The following RASSF3 variants were observed in gnomAD, a reference collection of about 807,000 sequenced individuals.
The protein encoded by RASSF3 is ras association domain-containing protein 3.
Under a neutral mutation model 19.9 loss-of-function variants are expected in RASSF3, and 19 were observed. The ratio of observed to expected loss-of-function variants is 0.96; its 90% confidence interval spans 0.67 to 1.40. The LOEUF (loss-of-function observed/expected upper bound fraction) is 1.40, where lower values mean the gene tolerates loss of function less well. Ranked by LOEUF, RASSF3 falls within the 40% of genes most tolerant of loss-of-function variation. The pLI is 0.00. For missense variants in RASSF3, 306 were observed against 289.8 expected (o/e 1.06, Z -0.41); for synonymous variants, 110 against 104.2 (o/e 1.06, Z -0.34).
At position 64,691,500 on chromosome 12, in the gene RASSF3, A is replaced by T; in HGVS notation, c.488A>T (p.His163Leu). The change falls in exon 4 of 5, where the codon CAT (histidine) becomes CTT (leucine). Residue 163 changes from histidine to leucine, a missense_variant. Transcript: ENST00000542104. ...GCCTGCAAGCTCTCAGACCGGGAAC[A>T]TCCACTCTACCTGCGTTTGGTAGCA... ...VYACKLSDREHPLYLRLVAGP... is the reference protein window; with the variant it reads ...VYACKLSDRELPLYLRLVAGP... 1.2e-6 allele frequency: 2 copies of T among 1,614,040 alleles called. No homozygotes were observed. The highest frequency in any genetic ancestry group is 1.7e-6 in the Non-Finnish European group (2 of 1,179,930).
At chr12:64,649,527 G>A (rs1218171019) in intron 1 of RASSF3, among the ~76,000 whole-genome samples, 1 of 152,116 alleles carries the variant, frequency 6.6e-6, no homozygotes, top group Non-Finnish European at 1.5e-5. Context: ...TTGGCTTCTA[G>A]TGCATATTCT....
At chr12:64,511,580 TTCTG>T (rs1429119527) in intron 1 of RASSF3, among the ~76,000 whole-genome samples, 2 of 152,214 alleles carry the variant, frequency 1.3e-5, no homozygotes, top group African/African-American at 4.8e-5. Flanking sequence ...TGGCCTCCTT[TTCTG>T]TGTAACCTGC....
At chr12:64,541,539 G>A (rs1166645648) in intron 1 of RASSF3, 3 of 398,148 alleles carry the variant, frequency 7.5e-6, no homozygotes, top group Non-Finnish European at 1.3e-5. Context: ...AACAGAGAAC[G>A]ACACAGACCT....
At chr12:64,589,468 A>T (rs1869878293) in intron 2 of RASSF3, among the ~76,000 whole-genome samples, 1 of 152,178 alleles carries the variant, frequency 6.6e-6, no homozygotes, top group African/African-American at 2.4e-5. Flanking sequence ...AAATAAGATA[A>T]AAATGTCAGC....
Position 64,638,960 on chromosome 12 carries a change from T to C in RASSF3, c.111+28217T>C, listed in dbSNP as rs559773066. ...TGAATGATACTGCAATAAACATCTT[T>C]ATGGATCTCCTTTTGCATGTGTGAG... On this transcript the variant is annotated intron_variant, in intron 1 of 4. Transcript: ENST00000542104. 4.3e-4 allele frequency among the ~76,000 whole-genome samples: 65 copies of C among 152,302 alleles called. No homozygotes were observed. The South Asian group carries it at 0.013, about 31-fold the overall frequency.
intron 2 of RASSF3, among the ~76,000 whole-genome samples, chr12:64,592,878 A>G (rs551615779): frequency 6.6e-6 from 1 of 152,094 alleles, no homozygotes; most frequent in East Asian, 1.9e-4. Context: ...CCTGGCTTCA[A>G]GTGATCCTCC....
chr12:64,666,409 GA>G (rs1872540405), intron 1 of RASSF3, among the ~76,000 whole-genome samples: 1 of 152,074 alleles, frequency 6.6e-6, no homozygotes, highest in Non-Finnish European at 1.5e-5. Flanking sequence ...GTGGTTAACT[GA>G]AACAGACTCT....
intron 1 of RASSF3, among the ~76,000 whole-genome samples, chr12:64,648,566 TCCAC>T: frequency 6.6e-6 from 1 of 150,906 alleles, no homozygotes; most frequent in Middle Eastern, 3.4e-3. Flanking sequence ...CACTGCAACC[TCCAC>T]CTCCTGGATT....
chr12:64,586,020 T>C (rs2460763), intron 2 of RASSF3, among the ~76,000 whole-genome samples: 74,583 of 151,914 alleles, frequency 0.49, 19,005 homozygotes, highest in Non-Finnish European at 0.56. Flanking sequence ...CTTAAAAAAC[T>C]AGAAAGGAGA....
At chr12:64,541,716 T>C (rs1484835762), downstream of RASSF3, 3 of 398,588 alleles carry the variant, frequency 7.5e-6, no homozygotes, top group African/African-American at 4.1e-5. Context: ...GTAGGCACTA[T>C]TGGTGCTTGT....
At chr12:64,610,805 C>G (rs1241293348) in intron 1 of RASSF3, 62 bp downstream of exon 1, 2 of 1,086,484 alleles carry the variant, frequency 1.8e-6, no homozygotes, top group East Asian at 2.9e-5. Context: ...CCCGCCAGCC[C>G]GCGCCCCCTG....
intron 1 of RASSF3, among the ~76,000 whole-genome samples, chr12:64,638,579 C>CAAAAAA (rs544521268): frequency 2.0e-4 from 22 of 111,608 alleles, no homozygotes; most frequent in Non-Finnish European, 3.9e-4. Context: ...GACTCCGTCT[C>CAAAAAA]AAAAAAAAAA....
chr12:64,540,450 C>T (rs1025682118), intron 1 of RASSF3, among the ~76,000 whole-genome samples: 6 of 152,022 alleles, frequency 3.9e-5, no homozygotes, highest in African/African-American at 1.5e-4. Flanking sequence ...AGGTATATAT[C>T]CAAGAAAATG....
At chr12:64,629,693 G>A (rs1871108436) in intron 1 of RASSF3, among the ~76,000 whole-genome samples, 2 of 151,834 alleles carry the variant, frequency 1.3e-5, no homozygotes, top group African/African-American at 2.4e-5. Flanking sequence ...GACCAGGCGC[G>A]GTGGCTCATG....
At chr12:64,525,900 A>G (rs2136106746) in intron 1 of RASSF3, among the ~76,000 whole-genome samples, 1 of 148,378 alleles carries the variant, frequency 6.7e-6, no homozygotes, top group South Asian at 2.2e-4. Flanking sequence ...CATCATCAGC[A>G]CGTTACCTCC....
intron 1 of RASSF3, chr12:64,655,128 C>G (rs188957249): frequency 5.8e-4 from 89 of 152,314 alleles, no homozygotes; most frequent in African/African-American, 2.0e-3. Flanking sequence ...TTCCTCTAAG[C>G]TGCACTGTTA....
At chr12:64,675,505 A>C (rs1056749999) in intron 1 of RASSF3, among the ~76,000 whole-genome samples, 9 of 152,020 alleles carry the variant, frequency 5.9e-5, no homozygotes, top group African/African-American at 2.2e-4. Context: ...GAACACTGGG[A>C]ATCTCTAAGA....
chr12:64,591,741 T>G (rs1869927545), intron 2 of RASSF3, among the ~76,000 whole-genome samples: 1 of 152,186 alleles, frequency 6.6e-6, no homozygotes, highest in Non-Finnish European at 1.5e-5. Context: ...TTTTTCCCAC[T>G]TTTGGTTAAA....
In RASSF3 at chr12:64,696,030, C is replaced by G. The variant is rs368196277; in HGVS notation, c.*1118C>G. Reference sequence around the variant, plus strand: ...CCCTTTTATTCCTCCTTTCCTTTTCCTTTCTTCCCTTTTTTCTTTCCTTCC... The same window carrying G: ...CCCTTTTATTCCTCCTTTCCTTTTCGTTTCTTCCCTTTTTTCTTTCCTTCC... On this transcript the variant is annotated 3_prime_UTR_variant, in exon 5 of 5. Coordinates refer to ENST00000542104, the MANE Select transcript of RASSF3 (RefSeq NM_178169.4). 1.3e-4 allele frequency: 20 copies of G among 151,480 alleles called. No homozygotes were observed. Among genetic ancestry groups the G allele is most frequent in the Admixed American group, 3.3e-4 (5 of 15,192 alleles). The allele number at this position is 151,480 out of a possible 1,614,324, so 9.4% of individuals were successfully genotyped here.
Sources: allele counts gnomAD v4.1 joint callset (sites outside exome capture counted in the v4.1 genomes callset), GRCh38; gene constraint gnomAD v4.1.1; transcripts MANE v1.5; gene names NCBI Gene and HGNC (gene_info 2026-07-23, HGNC 2026-07-21).